PRDM5: variants seen among roughly 807,000 people sequenced by gnomAD.
PRDM5 encodes PR/SET domain 5.
In PRDM5, 56 loss-of-function variants were observed where a neutral mutation model predicts 81.2. The ratio of observed to expected loss-of-function variants is 0.69; its 90% CI spans 0.56 to 0.86. The LOEUF (loss-of-function observed/expected upper bound fraction) is 0.86. Ranked by LOEUF, PRDM5 falls within the 40% of genes least tolerant of loss-of-function variation. The pLI is 0.00. For missense variants in PRDM5, 697 were observed against 770.1 expected (o/e 0.91, Z 1.12); for synonymous variants, 267 against 256.4 (o/e 1.04, Z -0.39).
At chr4:120,836,985 CAAA>C (rs1205851546) in intron 3 of PRDM5, among the ~76,000 whole-genome samples, 1 of 152,104 alleles carries the variant, frequency 6.6e-6, no homozygotes, top group African/African-American at 2.4e-5. Flanking sequence ...GAGTGAAAGT[CAAA>C]TGTTCTGAGG....
chr4:120,695,632 C>T (rs1734436257), intron 15 of PRDM5, among the ~76,000 whole-genome samples: 1 of 152,088 alleles, frequency 6.6e-6, no homozygotes, highest in African/African-American at 2.4e-5. Context: ...AAATAAAAAG[C>T]TAATGCTGTT....
At chr4:120,910,047 ACT>A (rs1766322107) in intron 1 of PRDM5, among the ~76,000 whole-genome samples, 1 of 144,740 alleles carries the variant, frequency 6.9e-6, no homozygotes, top group African/African-American at 2.6e-5. Flanking sequence ...CATATTTTCT[ACT>A]CTGTGTTATT....
chr4:120,731,531 T>G (rs768193553), intron 14 of PRDM5: 5 of 151,798 alleles, frequency 3.3e-5, no homozygotes, highest in Non-Finnish European at 5.9e-5. Context: ...TGCTTTATAT[T>G]TATTCCCTTG....
At position 120,858,107 on chromosome 4, in the gene PRDM5, G is replaced by A. The variant is rs181929785; in HGVS notation, c.178-4567C>T. On this transcript the variant is annotated intron_variant, in intron 2 of 15. Transcript: ENST00000264808. ...TATCCTTAATGAAAAATTACAATAC[G>A]TTATGTTACAGTATTATTTATTAAA... Among the ~76,000 whole-genome samples the A allele has an allele frequency of 1.2e-3, 186 of 152,186 alleles. 2 individuals are homozygous for A. Among genetic ancestry groups the A allele is most frequent in the Middle Eastern group, 3.4e-3 (1 of 294 alleles).
At chr4:120,793,495 C>T (rs6851591) in intron 10 of PRDM5, among the ~76,000 whole-genome samples, 58,282 of 152,066 alleles carry the variant, frequency 0.38, 11,366 homozygotes, top group East Asian at 0.5. Context: ...CAACACTGGT[C>T]CATGGAAAAA....
rs571501980 is a variant in PRDM5 at position 120,693,815 on chromosome 4, T to C, written c.*1296A>G. On this transcript the variant is annotated 3_prime_UTR_variant, in exon 16 of 16. Coordinates refer to ENST00000264808, the MANE Select transcript of PRDM5 (RefSeq NM_018699.4). ...TGAGTTGGGCTTCATTTTAACGTTT[T>C]TCTGGTTTTTGGATATTCCTCCAGG... The C allele has an allele frequency of 3.3e-5, 5 of 152,030 alleles. No individual in the cohort carries two copies. In the South Asian group the frequency reaches 1.0e-3, roughly 31 times the overall value. The allele number at this position is 152,030 out of a possible 1,614,324, so 9.4% of individuals were successfully genotyped here.
chr4:120,832,547 C>A (rs1756842891), intron 3 of PRDM5, among the ~76,000 whole-genome samples: 1 of 152,132 alleles, frequency 6.6e-6, no homozygotes, highest in South Asian at 2.1e-4. Context: ...TCCCTGGCCT[C>A]CTCACTTCCC....
intron 14 of PRDM5, among the ~76,000 whole-genome samples, chr4:120,736,499 C>T (rs1394719818): frequency 5.9e-5 from 9 of 152,102 alleles, no homozygotes. Flanking sequence ...ACTCTGAGAT[C>T]ACTGACCTTC....
chr4:120,896,288 T>C (rs192242578), intron 2 of PRDM5: 38 of 151,032 alleles, frequency 2.5e-4, no homozygotes, highest in African/African-American at 9.2e-4. Context: ...CATTTAACTT[T>C]AGTCAACACT....
At chr4:120,829,238 C>A (rs1403104590) in intron 3 of PRDM5, among the ~76,000 whole-genome samples, 1 of 152,106 alleles carries the variant, frequency 6.6e-6, no homozygotes, top group Non-Finnish European at 1.5e-5. Flanking sequence ...AATGTGACTA[C>A]TTCTGTACTG....
Position 120,706,711 on chromosome 4 carries a change from TTA to T in PRDM5, c.1728+3596_1728+3597del, listed in dbSNP as rs1196395792. 3.1e-4 allele frequency among the ~76,000 whole-genome samples: 9 copies of T among 28,862 alleles called. No individual in the cohort carries two copies. In the East Asian group the frequency reaches 3.6e-3, roughly 12 times the overall value. 18.9% of individuals were successfully genotyped at this position (28,862 alleles called of 152,430 possible). ...ACGTGTCATTTGGGCAAAACTGGTT[TTA>T]TATATATATATATAAATTATATATA... is the stretch of plus-strand genomic sequence containing the variant. On this transcript the variant is annotated intron_variant, in intron 15 of 15. Coordinates refer to ENST00000264808, the MANE Select transcript of PRDM5 (RefSeq NM_018699.4).
rs77832420 is a variant in PRDM5 at position 120,714,016 on chromosome 4, T to C, written c.1624-3603A>G. On this transcript the variant is annotated intron_variant, in intron 14 of 15. Transcript: ENST00000264808. ...TCATGACCCTATCAGCTCCCAAAGG[T>C]CCCACTCTCTAATACCATCACACTG... Among the ~76,000 whole-genome samples, 25 of 152,258 alleles carry C rather than the reference T, an allele frequency of 1.6e-4. No homozygotes were observed. In the East Asian group the frequency reaches 4.6e-3, roughly 28 times the overall value.
chr4:120,892,240 G>A (rs1370654684), intron 2 of PRDM5, among the ~76,000 whole-genome samples: 1 of 151,480 alleles, frequency 6.6e-6, no homozygotes, highest in Non-Finnish European at 1.5e-5. Flanking sequence ...ATGCCTATGT[G>A]GTCAATTTTA....
At chr4:120,784,936 G>T in intron 11 of PRDM5, 62 bp downstream of exon 11, 2 of 1,332,552 alleles carry the variant, frequency 1.5e-6, no homozygotes, top group Non-Finnish European at 2.2e-6. Flanking sequence ...CATTCTCAAA[G>T]GTTATAAAAA....
chr4:120,888,169 G>C (rs1763670330), intron 2 of PRDM5, among the ~76,000 whole-genome samples: 1 of 152,168 alleles, frequency 6.6e-6, no homozygotes, highest in Non-Finnish European at 1.5e-5. Context: ...TTACTGAAAG[G>C]CGCAGAAACT....
intron 15 of PRDM5, among the ~76,000 whole-genome samples, chr4:120,700,930 G>A (rs962788446): frequency 6.6e-6 from 1 of 152,120 alleles, no homozygotes; most frequent in African/African-American, 2.4e-5. Context: ...ATCGAGACCA[G>A]CCTGACCAAT....
chr4:120,721,010 C>T (rs28384319), intron 14 of PRDM5, among the ~76,000 whole-genome samples: 4,860 of 152,246 alleles, frequency 0.032, 259 homozygotes, highest in African/African-American at 0.11. Flanking sequence ...GGCACCTGGT[C>T]CCTTTTAATT....
intron 14 of PRDM5, among the ~76,000 whole-genome samples, chr4:120,729,962 A>C (rs1041736803): frequency 4.6e-5 from 7 of 152,246 alleles, no homozygotes; most frequent in African/African-American, 1.7e-4. Context: ...CTGTAGCAGC[A>C]ACAAGTTGTT....
chr4:120,839,075 G>T, intron 3 of PRDM5: 1 of 579,562 alleles, frequency 1.7e-6, no homozygotes, highest in Middle Eastern at 4.6e-4. Flanking sequence ...CCAGAAGCTC[G>T]GAGACACCAG....
Sources: gnomAD v4.1 joint callset for allele counts (sites outside exome capture counted in the v4.1 genomes callset) on GRCh38, gnomAD v4.1.1 for gene constraint, MANE v1.5 for transcripts, NCBI Gene and HGNC (gene_info 2026-07-23, HGNC 2026-07-21) for gene names.